Variants in CAMK4 observed in about 807,000 individuals in gnomAD.
CAMK4 encodes the protein calcium/calmodulin-dependent protein kinase type IV.
In CAMK4, 22 loss-of-function variants were observed where a neutral mutation model predicts 44.9. That is an observed-to-expected ratio of 0.49 (90% CI 0.35 to 0.70). The LOEUF (loss-of-function observed/expected upper bound fraction) is 0.70. CAMK4 is among the 30% of genes least tolerant of loss of function. CAMK4 has a pLI of 0.01. For synonymous variants in CAMK4, 218 were observed against 215.4 expected, an observed-to-expected ratio of 1.01 and a Z score of -0.11; for missense variants, 498 against 586.8, an observed-to-expected ratio of 0.85 and a Z score of 1.56.
rs1755633098 is a variant in CAMK4, at chr5:111,486,537, A to G, written c.*2071A>G. The G allele has an allele frequency of 7.1e-6, 1 of 140,900 alleles. No homozygotes were observed. 8.7% of individuals were successfully genotyped at this position (140,900 alleles called of 1,614,324 possible). A position where few individuals can be genotyped will look rare whatever the true frequency, so the allele number is the denominator to read the frequency against. On this transcript the variant is annotated 3_prime_UTR_variant, in exon 11 of 11. Coordinates refer to ENST00000282356, the MANE Select transcript of CAMK4 (RefSeq NM_001744.6). ...CACACACACACACACACACACACAC[A>G]CACACGTGTTGGAAGAGCAAAGAGA...
chr5:111,336,048 G>C (rs1017253758), intron 1 of CAMK4, among the ~76,000 whole-genome samples: 15 of 151,298 alleles, frequency 9.9e-5, no homozygotes, highest in Admixed American at 3.3e-4. Flanking sequence ...GTAAAAGAAA[G>C]TAGTAGAAAT....
At chr5:111,284,421 C>T (rs932416593) in intron 1 of CAMK4, among the ~76,000 whole-genome samples, 4 of 152,158 alleles carry the variant, frequency 2.6e-5, no homozygotes, top group Non-Finnish European at 5.9e-5. Flanking sequence ...TCATGGCTTT[C>T]CTCAGAATCT....
intron 5 of CAMK4, among the ~76,000 whole-genome samples, chr5:111,406,768 C>A (rs951891027): frequency 2.0e-5 from 3 of 152,122 alleles, no homozygotes; most frequent in African/African-American, 7.2e-5. Flanking sequence ...CAACATCTAA[C>A]TTATTTATCT....
intron 5 of CAMK4, among the ~76,000 whole-genome samples, chr5:111,424,607 G>A (rs970011831): frequency 6.6e-6 from 1 of 151,392 alleles, no homozygotes; most frequent in Non-Finnish European, 1.5e-5. Flanking sequence ...ACCACGCCCG[G>A]CTAATTTTTA....
intron 1 of CAMK4, among the ~76,000 whole-genome samples, chr5:111,303,302 A>G (rs1747813313): frequency 7.4e-6 from 1 of 135,458 alleles, no homozygotes; most frequent in Non-Finnish European, 1.5e-5. Context: ...ACTCTGAGCT[A>G]TGGGAGGACA....
At chr5:111,483,952 C>T (rs1755519305) in intron 10 of CAMK4, 74 bp from the exon 11 acceptor site, 9 of 1,175,374 alleles carry the variant, frequency 7.7e-6, no homozygotes, top group African/African-American at 1.6e-5. Flanking sequence ...TCCCTAAAAG[C>T]AAAGCTGGGG....
At chr5:111,252,174 C>A (rs1156528462) in intron 1 of CAMK4, among the ~76,000 whole-genome samples, 1 of 152,146 alleles carries the variant, frequency 6.6e-6, no homozygotes, top group African/African-American at 2.4e-5. Flanking sequence ...CATACACTTT[C>A]CAAGAATGGA....
At chr5:111,337,277 C>G (rs1258023836) in intron 1 of CAMK4, among the ~76,000 whole-genome samples, 1 of 151,172 alleles carries the variant, frequency 6.6e-6, no homozygotes, top group African/African-American at 2.4e-5. Context: ...GAAACTGTTT[C>G]TAGCTTTTGG....
intron 5 of CAMK4, among the ~76,000 whole-genome samples, chr5:111,422,506 C>A (rs922350926): frequency 1.3e-5 from 2 of 152,280 alleles, no homozygotes; most frequent in East Asian, 1.9e-4. Flanking sequence ...GTCTTCTTAG[C>A]CTTTGGAGTT....
chr5:111,235,452 G>A (rs1239683111), intron 1 of CAMK4, among the ~76,000 whole-genome samples: 2 of 152,096 alleles, frequency 1.3e-5, no homozygotes, highest in African/African-American at 4.8e-5. Flanking sequence ...AAACATTTTA[G>A]TGACTCCTGA....
intron 1 of CAMK4, among the ~76,000 whole-genome samples, chr5:111,323,031 A>G (rs1461711273): frequency 6.6e-6 from 1 of 152,132 alleles, no homozygotes. Context: ...GCTATCATAA[A>G]TGGAATATAT....
chr5:111,405,453 C>G (rs1752387239), intron 5 of CAMK4, among the ~76,000 whole-genome samples: 1 of 151,756 alleles, frequency 6.6e-6, no homozygotes, highest in Admixed American at 6.6e-5. Flanking sequence ...GGCAACAGAG[C>G]AAGACTGCGT....
At chr5:111,232,711 T>C (rs1748534515) in intron 1 of CAMK4, among the ~76,000 whole-genome samples, 1 of 151,948 alleles carries the variant, frequency 6.6e-6, no homozygotes, top group Non-Finnish European at 1.5e-5. Flanking sequence ...AATTTGCCAC[T>C]ACCTATAATG....
At position 111,264,744 on chromosome 5, in the gene CAMK4, G is replaced by A. The variant is rs189332335; in HGVS notation, c.161+40100G>A. On this transcript the variant is annotated intron_variant, in intron 1 of 10. Coordinates refer to ENST00000282356, the MANE Select transcript of CAMK4 (RefSeq NM_001744.6). ...TCTTTCATGGCAAGGTTCCAAGGAT[G>A]GAACCAGGATCTCTTTTGGCAGGTA... is the stretch of plus-strand genomic sequence containing the variant. Among the ~76,000 whole-genome samples, 254 of 152,206 alleles carry A rather than the reference G, an allele frequency of 1.7e-3. 3 individuals carry two copies. The highest frequency in any genetic ancestry group is 7.9e-3 in the Admixed American group (121 of 15,292).
Position 111,376,908 on chromosome 5 carries a change from C to A in CAMK4, c.352C>A (p.Leu118Ile). Residue 118 changes from leucine (L) to isoleucine (I), a missense_variant, in exon 4 of 11, where the codon CTA (leucine) becomes ATA (isoleucine). Transcript: ENST00000282356. ...AACCCCTACAGAAATCAGTCTGGTC[C>A]TAGAACTCGTCACAGGAGGAGAACT... is the stretch of plus-strand genomic sequence containing the variant. ...FETPTEISLV[L>I]ELVTGGELFD... is the part of the protein sequence containing the mutation. 6.2e-7 allele frequency: 1 copy of A among 1,606,974 alleles called. No individual in the cohort carries two copies.
At chr5:111,251,829 G>GT (rs1749508392) in intron 1 of CAMK4, among the ~76,000 whole-genome samples, 1 of 152,094 alleles carries the variant, frequency 6.6e-6, no homozygotes, top group South Asian at 2.1e-4. Context: ...GGAAATCCAT[G>GT]TTTTTCCATC....
At chr5:111,478,081 T>A (rs142332067) in intron 8 of CAMK4, among the ~76,000 whole-genome samples, 1 of 150,956 alleles carries the variant, frequency 6.6e-6, no homozygotes, top group African/African-American at 2.4e-5. Flanking sequence ...TTATTATTGT[T>A]CTTCTGTGTA....
At chr5:111,361,018 G>A (rs2112795611) in intron 2 of CAMK4, among the ~76,000 whole-genome samples, 1 of 152,122 alleles carries the variant, frequency 6.6e-6, no homozygotes, top group South Asian at 2.1e-4. Context: ...GAAGAACCAT[G>A]TGAGAGCCTC....
chr5:111,484,030 C>A lies in CAMK4; in HGVS notation c.986C>A (p.Ala329Glu). The A allele has an allele frequency of 6.4e-7, 1 of 1,571,666 alleles. No homozygotes were observed. ...CACTCTTCTGTTTCCAATCAGGCAG[C>A]GGTGAAGGCTGTGGTGGCCTCTTCG... ...EFNARRKLKA[A>E]VKAVVASSRL... Residue 329 changes from alanine (A) to glutamate (E), a missense_variant, in exon 11 of 11, where the codon GCG becomes GAG. This residue lies in a region of CAMK4 where 203 missense variants were observed against 298.2 expected (regional missense o/e 0.68). Coordinates refer to ENST00000282356, the MANE Select transcript of CAMK4 (RefSeq NM_001744.6). This position sits in a 1 kb window ranked among gnomAD's most constrained non-coding sequence, Gnocchi z 5.3.
Sources: allele counts gnomAD v4.1 joint callset (sites outside exome capture counted in the v4.1 genomes callset), GRCh38; gene constraint gnomAD v4.1.1; regional missense constraint gnomAD v4.1.1; non-coding constraint Gnocchi (gnomAD v3.1); transcripts MANE v1.5; gene names NCBI Gene and HGNC (gene_info 2026-07-23, HGNC 2026-07-21).